Variants in ANK3 observed in about 807,000 individuals in gnomAD.
ANK3 encodes ankyrin 3, also known as ankyrin-3.
Under a neutral mutation model 370.9 loss-of-function variants are expected in ANK3, and 57 were observed. The ratio of observed to expected loss-of-function variants is 0.15; its 90% CI spans 0.12 to 0.19. The LOEUF is 0.19. Among genes scored for constraint, ANK3 ranks in the 10% least tolerant of loss-of-function variants. The pLI, the probability that ANK3 is intolerant of heterozygous loss-of-function variation, is 1.00. For synonymous variants in ANK3, 1,929 were observed against 1,946.3 expected, an observed-to-expected ratio of 0.99 and a Z score of 0.23; for missense variants, 4,439 against 5,302.1, an observed-to-expected ratio of 0.84 and a Z score of 5.06.
At chr10:60,569,637 G>A (rs1016184970) in intron 2 of ANK3, among the ~76,000 whole-genome samples, 1 of 152,054 alleles carries the variant, frequency 6.6e-6, no homozygotes, top group African/African-American at 2.4e-5. Context: ...CGCTAACAGA[G>A]GAATAATATG....
chr10:60,237,503 G>T (rs2097351714), intron 7 of ANK3, among the ~76,000 whole-genome samples: 1 of 152,172 alleles, frequency 6.6e-6, no homozygotes, highest in Non-Finnish European at 1.5e-5. Flanking sequence ...AGAGGAAGAA[G>T]TCTGTTTCTA....
intron 2 of ANK3, among the ~76,000 whole-genome samples, chr10:60,593,991 T>C (rs1232898297): frequency 2.6e-5 from 4 of 152,184 alleles, no homozygotes; most frequent in African/African-American, 7.2e-5. Context: ...AAGTCACATG[T>C]TTACGTAGTC....
Position 60,430,575 on chromosome 10 carries a change from G to T in ANK3, c.97-150936C>A, listed in dbSNP as rs184760820. 2.3e-3 allele frequency among the ~76,000 whole-genome samples: 351 copies of T among 152,172 alleles called. 2 individuals carry two copies. Among genetic ancestry groups the T allele is most frequent in the African/African-American group, 7.9e-3 (328 of 41,526 alleles). On this transcript the variant is annotated intron_variant, in intron 2 of 43. Transcript: ENST00000373827. Reference sequence around the variant, plus strand: ...GGGGTGCTATCAATAACTGCACCAGGGTAACAGAGCTGAATGATTTGTCCC... The same window carrying T: ...GGGGTGCTATCAATAACTGCACCAGTGTAACAGAGCTGAATGATTTGTCCC...
chr10:60,710,238 A>G (rs1033822062), intron 1 of ANK3, among the ~76,000 whole-genome samples: 3 of 152,200 alleles, frequency 2.0e-5, no homozygotes, highest in Admixed American at 1.3e-4. Flanking sequence ...GGCACTTTAA[A>G]CAGATACTCA....
chr10:60,303,647 A>G (rs185518570), intron 1 of ANK3, among the ~76,000 whole-genome samples: 1 of 152,326 alleles, frequency 6.6e-6, no homozygotes, highest in Admixed American at 6.5e-5. Context: ...ATTGGAATGT[A>G]AATTGGTACA....
intron 16 of ANK3, among the ~76,000 whole-genome samples, chr10:60,191,383 A>C (rs1433128709): frequency 9.0e-6 from 1 of 111,482 alleles, no homozygotes; most frequent in Non-Finnish European, 2.2e-5. Flanking sequence ...TCAACTCAAC[A>C]AGAAAAAAAA....
chr10:60,601,024 T>C (rs1242692229), intron 2 of ANK3, among the ~76,000 whole-genome samples: 5 of 152,084 alleles, frequency 3.3e-5, no homozygotes, highest in Admixed American at 3.3e-4. Flanking sequence ...GAAATATGTA[T>C]GAAGGGAGAG....
At position 60,070,777 on chromosome 10, in the gene ANK3, A is replaced by G; in HGVS notation, c.10104T>C (p.Asp3368=). The G allele has an allele frequency of 7.4e-6, 12 of 1,614,214 alleles. No homozygotes were observed. The highest frequency in any genetic ancestry group is 9.3e-6 in the Non-Finnish European group (11 of 1,180,028). ...AATCAAGGCCAAGGCCAAATTCATT[A>G]TCTTTTCCAGATCCATTACTTTCCA... ...KELESNGSGK[D]NEFGLGLDSP... Residue 3368 remains aspartate (D), a synonymous_variant, in exon 37 of 44, where the codon GAT becomes GAC. Transcript: ENST00000280772. This position sits in a 1 kb window ranked among gnomAD's most constrained non-coding sequence, Gnocchi z 5.7.
intron 2 of ANK3, among the ~76,000 whole-genome samples, chr10:60,523,809 A>G (rs1413680899): frequency 6.6e-6 from 1 of 152,096 alleles, no homozygotes; most frequent in African/African-American, 2.4e-5. Context: ...TCTACTGATA[A>G]AATAAGAGCA....
At chr10:60,304,568 C>T (rs1238023625) in intron 1 of ANK3, among the ~76,000 whole-genome samples, 1 of 151,948 alleles carries the variant, frequency 6.6e-6, no homozygotes, top group Admixed American at 6.6e-5. Flanking sequence ...ACTTGAACCC[C>T]AGAGGCGGAG....
At chr10:60,354,439 A>C (rs993741514) in intron 1 of ANK3, among the ~76,000 whole-genome samples, 2 of 152,252 alleles carry the variant, frequency 1.3e-5, no homozygotes, top group Non-Finnish European at 2.9e-5. Context: ...CTTCAGTAGT[A>C]AACTGCTTTC....
rs1207556778 is a variant in ANK3, at chr10:60,069,812, C to A, written c.11069G>T (p.Gly3690Val). Residue 3690 changes from glycine to valine, a missense_variant, in exon 37 of 44, where the codon GGA (glycine) becomes GTA (valine). Physicochemically the swap from Gly to Val is moderately radical, Grantham distance 109. Coordinates refer to ENST00000280772, the MANE Select transcript of ANK3 (RefSeq NM_020987.5). The part of the protein sequence containing the change: ...VEPNPSIPTS[G>V]ECQEGTSSSG... ...ACTGGATGTGCCTTCCTGACACTCT[C>A]CGCTGGTCGGGATGCTGGGGTTAGG... 2 of 1,614,012 alleles carry A rather than the reference C, an allele frequency of 1.2e-6. No homozygotes were observed. Among genetic ancestry groups the A allele is most frequent in the Admixed American group, 1.7e-5 (1 of 59,978 alleles).
intron 2 of ANK3, among the ~76,000 whole-genome samples, chr10:60,477,672 T>C (rs931946731): frequency 3.3e-5 from 5 of 151,770 alleles, no homozygotes; most frequent in Non-Finnish European, 7.4e-5. Flanking sequence ...CAATCTAAAA[T>C]GAATAAATAA....
chr10:60,431,103 T>C (rs1328083473), intron 2 of ANK3, among the ~76,000 whole-genome samples: 1 of 152,196 alleles, frequency 6.6e-6, no homozygotes, highest in Non-Finnish European at 1.5e-5. Context: ...CTATTATTAA[T>C]ACATTGTAAT....
At position 60,444,838 on chromosome 10, in the gene ANK3, CTA is replaced by C. The variant is rs550114886; in HGVS notation, c.97-165201_97-165200del. Among the ~76,000 whole-genome samples the C allele has an allele frequency of 3.6e-3, 547 of 152,180 alleles. 7 individuals carry two copies. Among genetic ancestry groups the C allele is most frequent in the Non-Finnish European group, 6.2e-3 (422 of 67,988 alleles). On this transcript the variant is annotated intron_variant, in intron 2 of 43. Transcript: ENST00000373827. The stretch of plus-strand genomic sequence containing the variant: ...AGTGTCTGAAGGGCCTTCTAATTTT[CTA>C]TGTTTTTGATTACAATTTTGTAGCT...
intron 36 of ANK3, among the ~76,000 whole-genome samples, chr10:60,076,682 G>C (rs564881474): frequency 5.3e-5 from 8 of 151,972 alleles, no homozygotes; most frequent in Admixed American, 5.2e-4. Flanking sequence ...AAAAAACAGA[G>C]TAATGTGAAA....
intron 7 of ANK3, among the ~76,000 whole-genome samples, chr10:60,257,670 A>G (rs1381742170): frequency 6.6e-6 from 1 of 152,088 alleles, no homozygotes; most frequent in Non-Finnish European, 1.5e-5. Flanking sequence ...TAAGGCCTAT[A>G]TTTATTTTCC....
At chr10:60,437,864 A>G (rs2064197633) in intron 2 of ANK3, among the ~76,000 whole-genome samples, 1 of 152,230 alleles carries the variant, frequency 6.6e-6, no homozygotes, top group South Asian at 2.1e-4. Flanking sequence ...GTGAGACTTG[A>G]TTTGAAGTCT....
At chr10:60,386,228 C>A (rs2062280591) in intron 1 of ANK3, among the ~76,000 whole-genome samples, 1 of 152,072 alleles carries the variant, frequency 6.6e-6, no homozygotes, top group African/African-American at 2.4e-5. Flanking sequence ...GGTTGCCAAC[C>A]TAAGCGGCCC....
Sources: gnomAD v4.1 joint callset for allele counts (sites outside exome capture counted in the v4.1 genomes callset) on GRCh38, gnomAD v4.1.1 for gene constraint, Gnocchi (gnomAD v3.1) non-coding constraint, MANE v1.5 for transcripts, NCBI Gene and HGNC (gene_info 2026-07-23, HGNC 2026-07-21) for gene names.